Variants in PREX2 observed in about 807,000 individuals in gnomAD.
PREX2 encodes phosphatidylinositol 3,4,5-trisphosphate-dependent Rac exchanger 2 protein.
A neutral mutation model predicts 203.2 loss-of-function variants in PREX2; 107 were observed. The ratio of observed to expected loss-of-function variants is 0.53; its 90% CI spans 0.45 to 0.62. PREX2 has a LOEUF of 0.62. PREX2 is among the 20% of genes least tolerant of loss of function. The pLI, the probability that PREX2 is intolerant of heterozygous loss-of-function variation, is 0.00. For synonymous variants in PREX2, 672 were observed against 663.6 expected, an observed-to-expected ratio of 1.01 and a Z score of -0.19; for missense variants, 1,777 against 1,955.9, an observed-to-expected ratio of 0.91 and a Z score of 1.72.
At chr8:67,962,355 A>G (rs767556154) in intron 1 of PREX2, among the ~76,000 whole-genome samples, 3 of 152,088 alleles carry the variant, frequency 2.0e-5, no homozygotes, top group Non-Finnish European at 4.4e-5. Context: ...TCCAGAAATA[A>G]CATCTCTCAT....
intron 33 of PREX2, among the ~76,000 whole-genome samples, chr8:68,145,527 G>A (rs1433997928): frequency 6.6e-6 from 1 of 152,116 alleles, no homozygotes; most frequent in Admixed American, 6.6e-5. Flanking sequence ...CTTTTAGGAT[G>A]ATTTTACATT....
chr8:68,220,677 G>A (rs753862118), intron 38 of PREX2, among the ~76,000 whole-genome samples: 3 of 152,104 alleles, frequency 2.0e-5, no homozygotes, highest in Non-Finnish European at 2.9e-5. Context: ...GAGCAAATGA[G>A]TAGACTGAGC....
At chr8:67,976,483 AGAGG>A (rs1806093574) in intron 1 of PREX2, among the ~76,000 whole-genome samples, 2 of 146,318 alleles carry the variant, frequency 1.4e-5, no homozygotes, top group African/African-American at 5.1e-5. Flanking sequence ...AGAGAGAGAG[AGAGG>A]GGAGAGAGAC....
chr8:68,011,556 C>T (rs1807261440), intron 1 of PREX2, among the ~76,000 whole-genome samples: 1 of 152,100 alleles, frequency 6.6e-6, no homozygotes, highest in Non-Finnish European at 1.5e-5. Flanking sequence ...TCAGCTCTAA[C>T]TTACTGTTAT....
intron 1 of PREX2, among the ~76,000 whole-genome samples, chr8:67,991,355 T>C (rs1806601108): frequency 6.6e-6 from 1 of 152,092 alleles, no homozygotes. Flanking sequence ...AATGAGTACA[T>C]TAGTCCATAC....
chr8:68,108,034 T>A (rs1425685480), intron 23 of PREX2, 75 bp from the exon 24 acceptor site: 2 of 884,668 alleles, frequency 2.3e-6, no homozygotes. Context: ...TTGTTGTGAA[T>A]GATGCAAGTG....
intron 23 of PREX2, chr8:68,100,315 G>C (rs1419144358): frequency 7.5e-6 from 3 of 402,060 alleles, no homozygotes; most frequent in Non-Finnish European, 1.4e-5. Context: ...GCCAAGTACT[G>C]TTCTAGGTTC....
intron 1 of PREX2, among the ~76,000 whole-genome samples, chr8:68,017,390 A>G (rs1381151574): frequency 6.6e-6 from 1 of 151,762 alleles, no homozygotes; most frequent in Non-Finnish European, 1.5e-5. Flanking sequence ...TCTATCTATC[A>G]TCTATTTTAT....
chr8:68,164,512 C>G (rs1367493831), intron 35 of PREX2, among the ~76,000 whole-genome samples: 1 of 151,042 alleles, frequency 6.6e-6, no homozygotes. Flanking sequence ...TTTAATAAAT[C>G]TTTTATTATC....
chr8:67,955,471 G>A (rs1805475466), intron 1 of PREX2, among the ~76,000 whole-genome samples: 1 of 152,150 alleles, frequency 6.6e-6, no homozygotes, highest in South Asian at 2.1e-4. Flanking sequence ...TCTTCCTGGG[G>A]CCTTCCTTTT....
At chr8:67,985,316 G>T (rs1806384500) in intron 1 of PREX2, among the ~76,000 whole-genome samples, 1 of 151,960 alleles carries the variant, frequency 6.6e-6, no homozygotes, top group Non-Finnish European at 1.5e-5. Context: ...TGGGAAATTT[G>T]ATTTTTCTCT....
In PREX2 at chr8:68,060,751, A is replaced by G. The variant is rs1203925111; in HGVS notation, c.1311A>G (p.Ala437=). ...AGGAAGGCGTGCACTTGGGACAAGC[A>G]TTATTAGAAAATGGAATCATTCACC... ...RPEEGVHLGQ[A]LLENGIIHHV... Residue 437 remains alanine (A), a synonymous_variant, in exon 11 of 40, where the codon GCA becomes GCG. Transcript: ENST00000288368. 2 of 1,610,708 alleles carry G rather than the reference A, an allele frequency of 1.2e-6. No individual in the cohort carries two copies. Among genetic ancestry groups the G allele is most frequent in the East Asian group, 2.2e-5 (1 of 44,754 alleles).
At chr8:68,194,663 T>C (rs1585857044) in intron 37 of PREX2, among the ~76,000 whole-genome samples, 1 of 149,874 alleles carries the variant, frequency 6.7e-6, no homozygotes, top group Non-Finnish European at 1.5e-5. Flanking sequence ...TAGCCGGGCA[T>C]GGTGGCAAAT....
intron 35 of PREX2, among the ~76,000 whole-genome samples, chr8:68,164,499 CATTTTAATAAATCTTTTATTATCAGAT>C (rs1414870864): frequency 6.6e-6 from 1 of 151,506 alleles, no homozygotes; most frequent in East Asian, 1.9e-4. Context: ...TTAAAAAATA[CATTTTAATAAATCTTTTATTATCAGAT>C]TATAGCCAAG....
chr8:68,063,045 T>G (rs958701176), intron 11 of PREX2, among the ~76,000 whole-genome samples: 42 of 152,168 alleles, frequency 2.8e-4, no homozygotes, highest in African/African-American at 9.9e-4. Flanking sequence ...TTAGCATCAT[T>G]AAAACATCTA....
chr8:67,953,397 C>T (rs1434096457), intron 1 of PREX2, among the ~76,000 whole-genome samples: 12 of 152,124 alleles, frequency 7.9e-5, no homozygotes, highest in African/African-American at 2.7e-4. Flanking sequence ...GCTGAGATAA[C>T]ACTCAAAAGT....
intron 35 of PREX2, among the ~76,000 whole-genome samples, chr8:68,185,124 T>C (rs1812163959): frequency 1.3e-5 from 2 of 152,210 alleles, no homozygotes; most frequent in Non-Finnish European, 2.9e-5. Flanking sequence ...TTAGGGTCTC[T>C]CGCAGCATTC....
rs1264521902 is a variant in PREX2, at chr8:67,952,412, C to T, written c.18C>T (p.Arg6=). 14 of 1,565,418 alleles carry T rather than the reference C, an allele frequency of 8.9e-6. No individual in the cohort carries two copies. The South Asian group carries it at 1.6e-4, about 18-fold the overall frequency. MSEDS[R]GDSRAESAKD... ...CGCCGACCATGAGCGAGGACAGCCG[C>T]GGAGACAGCCGCGCCGAGAGCGCCA... The change falls in exon 1 of 40, where the codon CGC becomes CGT. Residue 6 remains arginine, a synonymous_variant. Coordinates refer to ENST00000288368, the MANE Select transcript of PREX2 (RefSeq NM_024870.4).
intron 35 of PREX2, among the ~76,000 whole-genome samples, chr8:68,170,395 C>A (rs577163088): frequency 6.6e-6 from 1 of 152,336 alleles, no homozygotes; most frequent in African/African-American, 2.4e-5. Flanking sequence ...AGTAGTGAAG[C>A]CGGCCAAGGC....
Sources: gnomAD v4.1 joint callset for allele counts (sites outside exome capture counted in the v4.1 genomes callset) on GRCh38, gnomAD v4.1.1 for gene constraint, MANE v1.5 for transcripts, NCBI Gene and HGNC (gene_info 2026-07-23, HGNC 2026-07-21) for gene names.